Variants in MFHAS1 observed in about 807,000 individuals in gnomAD.
The protein encoded by MFHAS1 is multifunctional ROCO family signaling regulator 1.
Under a neutral mutation model 70.4 loss-of-function variants are expected in MFHAS1, and 50 were observed. The observed-to-expected ratio is 0.71, with a 90% confidence interval of 0.57 to 0.90. The LOEUF is 0.90. Among genes scored for constraint, MFHAS1 ranks in the 40% least tolerant of loss-of-function variants. MFHAS1 has a pLI of 0.00. For synonymous variants in MFHAS1, 952 were observed against 620.0 expected (o/e 1.54, Z -7.96); for missense variants, 1,795 against 1,347.6 (o/e 1.33, Z -5.20).
intron 2 of MFHAS1, among the ~76,000 whole-genome samples, chr8:8,791,813 G>A (rs1459324513): frequency 6.6e-6 from 1 of 152,152 alleles, no homozygotes; most frequent in Non-Finnish European, 1.5e-5. Context: ...AGTTCTAAAG[G>A]AGGAGCTCTC....
chr8:8,852,825 C>A (rs917978044), intron 1 of MFHAS1, among the ~76,000 whole-genome samples: 1 of 152,176 alleles, frequency 6.6e-6, no homozygotes. Flanking sequence ...TAAACAGTTT[C>A]TTATATTAGG....
At chr8:8,886,956 G>A in intron 1 of MFHAS1, among the ~76,000 whole-genome samples, 1 of 152,014 alleles carries the variant, frequency 6.6e-6, no homozygotes, top group Non-Finnish European at 1.5e-5. Flanking sequence ...CGAAACCCCC[G>A]CCTCTACTAA....
chr8:8,831,806 C>T (rs1339376784), intron 1 of MFHAS1, among the ~76,000 whole-genome samples: 1 of 152,048 alleles, frequency 6.6e-6, no homozygotes, highest in Non-Finnish European at 1.5e-5. Flanking sequence ...ACGGGTTTCA[C>T]CATGTTAGCC....
intron 1 of MFHAS1, among the ~76,000 whole-genome samples, chr8:8,857,348 C>T (rs1203319632): frequency 6.6e-6 from 1 of 152,318 alleles, no homozygotes; most frequent in South Asian, 2.1e-4. Flanking sequence ...AATGAGATAT[C>T]TTCCAGGCCA....
intron 1 of MFHAS1, among the ~76,000 whole-genome samples, chr8:8,885,748 C>T (rs1285159763): frequency 6.6e-6 from 1 of 152,196 alleles, no homozygotes; most frequent in Admixed American, 6.5e-5. Context: ...CTTGCCCTGT[C>T]GCCCAGGCTG....
At chr8:8,878,489 C>G (rs1253275600) in intron 1 of MFHAS1, among the ~76,000 whole-genome samples, 1 of 151,958 alleles carries the variant, frequency 6.6e-6, no homozygotes. Flanking sequence ...CTATTTTTCT[C>G]CAAAAATAGG....
chr8:8,875,669 T>C (rs4840372), intron 1 of MFHAS1, among the ~76,000 whole-genome samples: 24,058 of 152,052 alleles, frequency 0.16, 2,468 homozygotes, highest in African/African-American at 0.27. Context: ...CAGCTCACCG[T>C]AACCTCTGCC....
chr8:8,892,406 C>A lies in MFHAS1; in HGVS notation c.653G>T (p.Gly218Val), dbSNP rs776494550. The change falls in exon 1 of 3, where the codon GGC (glycine) becomes GTC (valine). Residue 218 changes from glycine (G) to valine (V), a missense_variant. By Grantham distance (109) the Gly-to-Val change is moderately radical (BLOSUM62 -3). Transcript: ENST00000276282. This position sits in a 1 kb window ranked among gnomAD's most constrained non-coding sequence, Gnocchi z 4.7. ...CAGGGCACTGATATCCTCAGGCAGGCCCCGCAGCCGGTTGCTGGACACGTC... is the reference window on the plus strand; with the variant it reads ...CAGGGCACTGATATCCTCAGGCAGGACCCGCAGCCGGTTGCTGGACACGTC... The part of the protein sequence containing the change: ...ELDVSSNRLR[G>V]LPEDISALRA... 8.7e-6 allele frequency: 14 copies of A among 1,612,720 alleles called. No homozygotes were observed. The African/African-American group carries it at 1.9e-4, about 22-fold the overall frequency.
intron 1 of MFHAS1, among the ~76,000 whole-genome samples, chr8:8,846,680 G>A (rs568705513): frequency 1.4e-4 from 22 of 151,972 alleles, no homozygotes; most frequent in South Asian, 6.3e-4. Flanking sequence ...CAGCTGTCTC[G>A]GGGCCTCTGC....
chr8:8,850,811 CA>C (rs149181304), intron 1 of MFHAS1, among the ~76,000 whole-genome samples: 24,280 of 105,416 alleles, frequency 0.23, 2,226 homozygotes, highest in African/African-American at 0.35. Flanking sequence ...AACTCCGTCT[CA>C]AAAAAAAAAA....
intron 1 of MFHAS1, among the ~76,000 whole-genome samples, chr8:8,799,707 G>T (rs1806021362): frequency 6.6e-6 from 1 of 152,206 alleles, no homozygotes; most frequent in African/African-American, 2.4e-5. Context: ...AGTGAGCTGA[G>T]ATCAGGCCAC....
In MFHAS1 at chr8:8,884,804, G is replaced by C. The variant is rs188213244; in HGVS notation, c.2998+5257C>G. On this transcript the variant is annotated intron_variant, in intron 1 of 2. Coordinates refer to ENST00000276282, the MANE Select transcript of MFHAS1 (RefSeq NM_004225.3). ...TCTCTACAAAACAACACAAAAATTA[G>C]CCAGGCATGGTAGGGTGTTTCTGGA... is the stretch of plus-strand genomic sequence containing the variant. Among the ~76,000 whole-genome samples the C allele has an allele frequency of 2.2e-3, 342 of 152,214 alleles. 2 individuals are homozygous for C. The highest frequency in any genetic ancestry group is 7.8e-3 in the African/African-American group (322 of 41,540).
At chr8:8,858,548 CTA>C (rs1433133463) in intron 1 of MFHAS1, among the ~76,000 whole-genome samples, 1 of 152,136 alleles carries the variant, frequency 6.6e-6, no homozygotes, top group Non-Finnish European at 1.5e-5. Context: ...ATAATTACAA[CTA>C]TATTAAAAAT....
chr8:8,815,363 T>C (rs1806702899), intron 1 of MFHAS1, among the ~76,000 whole-genome samples: 1 of 152,218 alleles, frequency 6.6e-6, no homozygotes, highest in East Asian at 1.9e-4. Flanking sequence ...ATGATTTATA[T>C]TCCTTTAAGT....
intron 1 of MFHAS1, among the ~76,000 whole-genome samples, chr8:8,819,425 G>A (rs1010440155): frequency 6.6e-6 from 1 of 151,972 alleles, no homozygotes; most frequent in Admixed American, 6.6e-5. Flanking sequence ...CTAACAGGGT[G>A]AAACCCCATC....
intron 1 of MFHAS1, among the ~76,000 whole-genome samples, chr8:8,878,814 A>G (rs1441255742): frequency 6.6e-6 from 1 of 152,224 alleles, no homozygotes; most frequent in Admixed American, 6.5e-5. Flanking sequence ...TTTAGGAATA[A>G]GGAGGATCTA....
At chr8:8,809,467 C>G (rs1450156133) in intron 1 of MFHAS1, among the ~76,000 whole-genome samples, 6 of 152,162 alleles carry the variant, frequency 3.9e-5, no homozygotes, top group African/African-American at 1.4e-4. Flanking sequence ...CCTCTCCTCA[C>G]TGACCCTAAA....
Position 8,811,889 on chromosome 8 carries a change from C to A in MFHAS1, c.2999-14398G>T, listed in dbSNP as rs1009186655. Among the ~76,000 whole-genome samples the A allele has an allele frequency of 3.3e-5, 5 of 152,356 alleles. No homozygotes were observed. In the South Asian group the frequency reaches 1.0e-3, roughly 32 times the overall value. The stretch of plus-strand genomic sequence containing the variant: ...TAGGCTGCGGGGGCCAGAGTCCACA[C>A]CCTCTTCTTCCACAGGGTACACAAG... On this transcript the variant is annotated intron_variant, in intron 1 of 2. Coordinates refer to ENST00000276282, the MANE Select transcript of MFHAS1 (RefSeq NM_004225.3).
chr8:8,827,721 T>C (rs1259575189), intron 1 of MFHAS1, among the ~76,000 whole-genome samples: 4 of 152,250 alleles, frequency 2.6e-5, no homozygotes, highest in African/African-American at 9.6e-5. Flanking sequence ...TAAATTTTCC[T>C]CATGAAATTT....
Sources: allele counts gnomAD v4.1 joint callset (sites outside exome capture counted in the v4.1 genomes callset), GRCh38; gene constraint gnomAD v4.1.1; non-coding constraint Gnocchi (gnomAD v3.1); transcripts MANE v1.5; gene names NCBI Gene and HGNC (gene_info 2026-07-23, HGNC 2026-07-21).